EDIL3: variants seen among roughly 807,000 people sequenced by gnomAD.
EDIL3 encodes EGF like and discoidin domains 3.
In EDIL3, 37 loss-of-function variants were observed where a neutral mutation model predicts 67.4. That is an observed-to-expected ratio of 0.55 (90% CI 0.42 to 0.72). The LOEUF is 0.72. EDIL3 is among the 30% of genes least tolerant of loss of function. EDIL3 has a pLI of 0.00. For synonymous variants in EDIL3, 195 were observed against 196.3 expected (o/e 0.99, Z 0.05); for missense variants, 527 against 586.3 (o/e 0.90, Z 1.04).
At chr5:84,014,279 CT>C (rs1745563123) in intron 9 of EDIL3, among the ~76,000 whole-genome samples, 3 of 152,174 alleles carry the variant, frequency 2.0e-5, no homozygotes, top group African/African-American at 7.2e-5. Flanking sequence ...ACTTCAAACA[CT>C]TGTAAGCTAC....
intron 4 of EDIL3, among the ~76,000 whole-genome samples, chr5:84,174,996 G>T (rs1490896002): frequency 6.6e-6 from 1 of 152,152 alleles, no homozygotes; most frequent in Non-Finnish European, 1.5e-5. Flanking sequence ...TCTTAAGCTA[G>T]GTGGAGACTG....
At chr5:84,264,224 C>G (rs751171530) in intron 1 of EDIL3, among the ~76,000 whole-genome samples, 18 of 152,046 alleles carry the variant, frequency 1.2e-4, no homozygotes, top group Non-Finnish European at 2.9e-5. Context: ...CCAGCCTGGG[C>G]GGCAGAGCCA....
chr5:84,125,982 A>T (rs1747864005), intron 5 of EDIL3, among the ~76,000 whole-genome samples: 1 of 151,972 alleles, frequency 6.6e-6, no homozygotes, highest in Non-Finnish European at 1.5e-5. Context: ...TTAGTCTTTT[A>T]AATGTGGGTT....
At chr5:84,376,512 C>A (rs890635456) in intron 1 of EDIL3, among the ~76,000 whole-genome samples, 4 of 152,168 alleles carry the variant, frequency 2.6e-5, no homozygotes, top group African/African-American at 4.8e-5. Flanking sequence ...TATATCCTGC[C>A]TGCACTTGAA....
At chr5:84,263,290 G>A (rs141537745) in intron 1 of EDIL3, among the ~76,000 whole-genome samples, 3 of 152,256 alleles carry the variant, frequency 2.0e-5, no homozygotes, top group Non-Finnish European at 4.4e-5. Flanking sequence ...GCACAGTTCT[G>A]AGGGCTCAGT....
At chr5:84,008,870 T>G (rs540844451) in intron 9 of EDIL3, among the ~76,000 whole-genome samples, 1 of 152,334 alleles carries the variant, frequency 6.6e-6, no homozygotes, top group Non-Finnish European at 1.5e-5. Context: ...TAGAATGCAG[T>G]GATGGGATCT....
At chr5:84,050,750 G>C (rs1033234698) in intron 9 of EDIL3, among the ~76,000 whole-genome samples, 2 of 152,240 alleles carry the variant, frequency 1.3e-5, no homozygotes, top group Non-Finnish European at 2.9e-5. Context: ...CTGCAAGGCA[G>C]CAGTGAGGCT....
At chr5:83,997,548 T>G (rs968925542) in intron 9 of EDIL3, among the ~76,000 whole-genome samples, 1 of 152,172 alleles carries the variant, frequency 6.6e-6, no homozygotes, top group Admixed American at 6.5e-5. Flanking sequence ...AGGTAAGCCA[T>G]GTGGAACACG....
intron 10 of EDIL3, among the ~76,000 whole-genome samples, chr5:83,954,523 G>A (rs1344175740): frequency 6.6e-6 from 1 of 151,580 alleles, no homozygotes; most frequent in African/African-American, 2.4e-5. Context: ...CACGTGATGA[G>A]CCTTCTCCCT....
chr5:84,161,857 T>C lies in EDIL3; in HGVS notation c.355+18536A>G, dbSNP rs115435719. The stretch of plus-strand genomic sequence containing the variant: ...TAAGGCTAATAAATTATTTAAAACA[T>C]TTGTCACCTATCTTTCTAACAATGT... On this transcript the variant is annotated intron_variant, in intron 4 of 10. Transcript: ENST00000296591. Among the ~76,000 whole-genome samples the C allele has an allele frequency of 5.3e-3, 806 of 152,128 alleles. 7 individuals carry two copies. The highest frequency in any genetic ancestry group is 0.018 in the African/African-American group (764 of 41,500).
At chr5:84,117,020 A>ATTTTTTTTTTTT (rs34997139) in intron 5 of EDIL3, among the ~76,000 whole-genome samples, 31 of 83,238 alleles carry the variant, frequency 3.7e-4, no homozygotes, top group African/African-American at 6.5e-4. Flanking sequence ...TTAAGTACTT[A>ATTTTTTTTTTTT]TTTTTTTTTT....
chr5:84,022,480 A>G lies in EDIL3; in HGVS notation c.1137+37820T>C, dbSNP rs1745735097. Among the ~76,000 whole-genome samples, 3 of 151,994 alleles carry G rather than the reference A, an allele frequency of 2.0e-5. No homozygotes were observed. In the South Asian group the frequency reaches 6.2e-4, roughly 31 times the overall value. On this transcript the variant is annotated intron_variant, in intron 9 of 10. Coordinates refer to ENST00000296591, the MANE Select transcript of EDIL3 (RefSeq NM_005711.5). Reference sequence around the variant, plus strand: ...CACAAATTTAATATTTAGGAAAACTAAAAGACTCTACCAAAAAATTATTAG... The same window carrying G: ...CACAAATTTAATATTTAGGAAAACTGAAAGACTCTACCAAAAAATTATTAG...
At chr5:84,126,102 C>T (rs1747865979) in intron 5 of EDIL3, among the ~76,000 whole-genome samples, 1 of 151,986 alleles carries the variant, frequency 6.6e-6, no homozygotes, top group Admixed American at 6.6e-5. Context: ...AAAGCTCAAC[C>T]CTGCTAGTAA....
At chr5:84,060,186 T>C (rs1746515794) in intron 9 of EDIL3, 114 bp downstream of exon 9, 3 of 1,256,466 alleles carry the variant, frequency 2.4e-6, no homozygotes, top group Admixed American at 2.6e-5. Flanking sequence ...AAACCGAAGA[T>C]GAAGGCACAT....
At chr5:84,203,204 G>A (rs926051877) in intron 3 of EDIL3, among the ~76,000 whole-genome samples, 5 of 152,126 alleles carry the variant, frequency 3.3e-5, no homozygotes, top group Non-Finnish European at 7.4e-5. Context: ...TAACTTGAGA[G>A]GCAAAAGCTG....
At chr5:84,030,855 A>G (rs928352321) in intron 9 of EDIL3, among the ~76,000 whole-genome samples, 2 of 152,220 alleles carry the variant, frequency 1.3e-5, no homozygotes, top group Non-Finnish European at 2.9e-5. Context: ...GCTTGACTAG[A>G]GTCAGTCATT....
intron 3 of EDIL3, among the ~76,000 whole-genome samples, chr5:84,207,495 C>T (rs187036150): frequency 0.028 from 4,205 of 152,176 alleles, 101 homozygotes; most frequent in Admixed American, 0.061. Flanking sequence ...AGATTCAATG[C>T]CATCCCCATC....
intron 9 of EDIL3, among the ~76,000 whole-genome samples, chr5:83,968,956 A>C (rs1237317290): frequency 6.6e-6 from 1 of 151,842 alleles, no homozygotes; most frequent in Admixed American, 6.6e-5. Flanking sequence ...CTTTAAAAAC[A>C]AGTCTGTTAC....
At chr5:84,383,855 C>T (rs1200574040) in intron 1 of EDIL3, among the ~76,000 whole-genome samples, 2 of 152,186 alleles carry the variant, frequency 1.3e-5, no homozygotes, top group Non-Finnish European at 2.9e-5. Context: ...GGGCGGACGG[C>T]CCTGCAGCTC....
Sources: allele counts gnomAD v4.1 joint callset (sites outside exome capture counted in the v4.1 genomes callset), GRCh38; gene constraint gnomAD v4.1.1; transcripts MANE v1.5; gene names NCBI Gene and HGNC (gene_info 2026-07-23, HGNC 2026-07-21).